Variants in VTI1A observed in about 807,000 individuals in gnomAD.
The protein encoded by VTI1A is vesicle transport through interaction with t-SNAREs 1A.
In VTI1A, 22 loss-of-function variants were observed where a neutral mutation model predicts 34.9. The ratio of observed to expected loss-of-function variants is 0.63; its 90% CI spans 0.45 to 0.90. The LOEUF (loss-of-function observed/expected upper bound fraction) is 0.90, where lower values mean the gene tolerates loss of function less well. Among genes scored for constraint, VTI1A ranks in the 40% least tolerant of loss-of-function variants. VTI1A has a pLI of 0.00. For synonymous variants in VTI1A, 87 were observed against 97.3 expected (o/e 0.89, Z 0.62); for missense variants, 268 against 275.6 (o/e 0.97, Z 0.20).
intron 3 of VTI1A, among the ~76,000 whole-genome samples, chr10:112,505,952 A>G (rs1251558233): frequency 1.3e-5 from 2 of 152,210 alleles, no homozygotes; most frequent in African/African-American, 2.4e-5. Context: ...ATAGTATAGT[A>G]TAATAAGATA....
rs147791768 is a variant in VTI1A at position 112,663,428 on chromosome 10, T to A, written c.428-4790T>A. On this transcript the variant is annotated intron_variant, in intron 5 of 7. Coordinates refer to ENST00000393077, the MANE Select transcript of VTI1A (RefSeq NM_145206.4). ...CCAGAAAAGTTTAGTAATTATTTTGTCTGGGTTTTTCTTGTTTCCATGGGA... is the reference window on the plus strand; with the variant it reads ...CCAGAAAAGTTTAGTAATTATTTTGACTGGGTTTTTCTTGTTTCCATGGGA... Among the ~76,000 whole-genome samples, 361 of 152,346 alleles carry A rather than the reference T, an allele frequency of 2.4e-3. 1 individual carries two copies. The highest frequency in any genetic ancestry group is 4.0e-3 in the Admixed American group (61 of 15,298).
At chr10:112,520,653 A>G (rs866694746) in intron 3 of VTI1A, among the ~76,000 whole-genome samples, 5,938 of 144,506 alleles carry the variant, frequency 0.041, 148 homozygotes, top group East Asian at 0.13. Flanking sequence ...GTGTGTATAT[A>G]TATATATATA....
At chr10:112,463,176 C>T (rs1589795903) in intron 2 of VTI1A, among the ~76,000 whole-genome samples, 1 of 152,226 alleles carries the variant, frequency 6.6e-6, no homozygotes, top group East Asian at 1.9e-4. Context: ...CTACCTGCCT[C>T]GGCCTCCCGA....
intron 7 of VTI1A, among the ~76,000 whole-genome samples, chr10:112,701,237 T>C (rs1848998120): frequency 6.6e-6 from 1 of 152,212 alleles, no homozygotes; most frequent in Admixed American, 6.5e-5. Context: ...TAAATTGGTT[T>C]GGACCCAGAT....
Position 112,788,482 on chromosome 10 carries a change from T to C in VTI1A, c.561-26808T>C, listed in dbSNP as rs150214955. The stretch of plus-strand genomic sequence containing the variant: ...ACTCTAGCTCCTTATAGTTACTGTT[T>C]GCATATATTTTTTCACCTTTTAACT... On this transcript the variant is annotated intron_variant, in intron 7 of 7. Coordinates refer to ENST00000393077, the MANE Select transcript of VTI1A (RefSeq NM_145206.4). 8.1e-4 allele frequency among the ~76,000 whole-genome samples: 123 copies of C among 152,344 alleles called. 2 individuals are homozygous for C. The highest frequency in any genetic ancestry group is 4.8e-3 in the Admixed American group (74 of 15,302).
chr10:112,814,046 G>T (rs1853420026), intron 7 of VTI1A, among the ~76,000 whole-genome samples: 1 of 152,202 alleles, frequency 6.6e-6, no homozygotes, highest in South Asian at 2.1e-4. Context: ...AAGGGGATGG[G>T]TGAGGAGGAA....
chr10:112,501,676 C>T (rs1167613084), intron 3 of VTI1A, among the ~76,000 whole-genome samples: 5 of 150,252 alleles, frequency 3.3e-5, no homozygotes, highest in Non-Finnish European at 5.9e-5. Context: ...ACCTCCCGCC[C>T]TCAGAAATCT....
intron 4 of VTI1A, 126 bp from the exon 5 acceptor site, chr10:112,538,120 A>T: frequency 1.4e-6 from 1 of 700,880 alleles, no homozygotes; most frequent in Non-Finnish European, 2.4e-6. Context: ...GCTAAAAATT[A>T]ACTGTAATGG....
At chr10:112,587,778 T>C (rs1467336052) in intron 5 of VTI1A, among the ~76,000 whole-genome samples, 2 of 152,130 alleles carry the variant, frequency 1.3e-5, no homozygotes, top group Non-Finnish European at 2.9e-5. Flanking sequence ...ATAAAGGTTT[T>C]TTCCCCTCAG....
rs114241912 is a variant in VTI1A at position 112,814,708 on chromosome 10, C to T, written c.561-582C>T. On this transcript the variant is annotated intron_variant, in intron 7 of 7. Coordinates refer to ENST00000393077, the MANE Select transcript of VTI1A (RefSeq NM_145206.4). ...CTTTTTTGCTATGGAGCAAATGTAA[C>T]GTTTCCTCCTAGCGTAACGGAGCGT... is the stretch of plus-strand genomic sequence containing the variant. Among the ~76,000 whole-genome samples the T allele has an allele frequency of 2.5e-3, 387 of 152,296 alleles. 1 individual carries two copies. Among genetic ancestry groups the T allele is most frequent in the African/African-American group, 8.5e-3 (354 of 41,560 alleles).
At chr10:112,700,072 C>T (rs190077271) in intron 7 of VTI1A, among the ~76,000 whole-genome samples, 6 of 140,466 alleles carry the variant, frequency 4.3e-5, no homozygotes, top group Non-Finnish European at 7.5e-5. Flanking sequence ...GAGCCAAGAT[C>T]GTGCTACTGC....
At chr10:112,489,722 CA>C (rs1677727658) in intron 3 of VTI1A, among the ~76,000 whole-genome samples, 1 of 152,160 alleles carries the variant, frequency 6.6e-6, no homozygotes, top group African/African-American at 2.4e-5. Flanking sequence ...AATTAGAGTT[CA>C]TATGCTGTGT....
At position 112,686,894 on chromosome 10, in the gene VTI1A, A is replaced by G. The variant is rs573000167; in HGVS notation, c.560+17896A>G. On this transcript the variant is annotated intron_variant, in intron 7 of 7. Transcript: ENST00000393077. ...ATAGACAGGATTGAACTCCACCAGA[A>G]GGTGGAATTTTTCTTTAGGGGCACT... Among the ~76,000 whole-genome samples, 8 of 152,168 alleles carry G rather than the reference A, an allele frequency of 5.3e-5. No homozygotes were observed. The South Asian group carries it at 1.4e-3, about 28-fold the overall frequency.
chr10:112,578,997 G>T (rs1327144810), intron 5 of VTI1A, among the ~76,000 whole-genome samples: 1 of 152,142 alleles, frequency 6.6e-6, no homozygotes, highest in African/African-American at 2.4e-5. Context: ...ACCATTTAAG[G>T]ATCTTTATAG....
At chr10:112,520,407 A>G (rs1187561214) in intron 3 of VTI1A, among the ~76,000 whole-genome samples, 2 of 152,044 alleles carry the variant, frequency 1.3e-5, no homozygotes, top group Admixed American at 6.6e-5. Flanking sequence ...TGAAACATTC[A>G]TGCTAAATTT....
At chr10:112,506,453 G>T (rs368967110) in intron 3 of VTI1A, among the ~76,000 whole-genome samples, 1 of 152,112 alleles carries the variant, frequency 6.6e-6, no homozygotes, top group East Asian at 1.9e-4. Flanking sequence ...ATGCCATTTT[G>T]TGTTATTTTT....
intron 3 of VTI1A, among the ~76,000 whole-genome samples, chr10:112,497,211 G>A (rs554565605): frequency 1.3e-5 from 2 of 152,040 alleles, no homozygotes; most frequent in South Asian, 4.2e-4. Flanking sequence ...CCAGGTACTC[G>A]GGAGGCTGAG....
intron 5 of VTI1A, among the ~76,000 whole-genome samples, chr10:112,609,875 A>C (rs998094640): frequency 6.6e-6 from 1 of 152,136 alleles, no homozygotes; most frequent in Admixed American, 6.5e-5. Flanking sequence ...CCTTAGGCAA[A>C]TGGCTCCGTC....
At chr10:112,697,450 A>T (rs2133892396) in intron 7 of VTI1A, among the ~76,000 whole-genome samples, 1 of 141,784 alleles carries the variant, frequency 7.1e-6, no homozygotes, top group East Asian at 2.1e-4. Context: ...CCCAGGCAGT[A>T]CAATGGCGCT....
Sources: allele counts gnomAD v4.1 joint callset (sites outside exome capture counted in the v4.1 genomes callset), GRCh38; gene constraint gnomAD v4.1.1; transcripts MANE v1.5; gene names NCBI Gene and HGNC (gene_info 2026-07-23, HGNC 2026-07-21).